Variants in RFTN2 observed in about 807,000 individuals in gnomAD.
RFTN2 encodes the protein raftlin family member 2.
In RFTN2, 34 loss-of-function variants were observed where a neutral mutation model predicts 52.7. That is an observed-to-expected ratio of 0.64 (90% CI 0.49 to 0.86). The LOEUF (loss-of-function observed/expected upper bound fraction) is 0.86, where lower values mean the gene tolerates loss of function less well. Ranked by LOEUF, RFTN2 falls within the 40% of genes least tolerant of loss-of-function variation. The probability of loss-of-function intolerance (pLI) is 0.00; values close to 1 mark genes in which losing one functional copy is unlikely to be tolerated. For synonymous variants in RFTN2, 203 were observed against 217.7 expected (o/e 0.93, Z 0.59); for missense variants, 536 against 600.1 (o/e 0.89, Z 1.12).
At chr2:197,641,956 C>G (rs1396031960) in intron 3 of RFTN2, among the ~76,000 whole-genome samples, 1 of 152,154 alleles carries the variant, frequency 6.6e-6, no homozygotes, top group African/African-American at 2.4e-5. Context: ...AAAACAAGGG[C>G]TCTGACGGTA....
At position 197,573,146 on chromosome 2, in the gene RFTN2, C is replaced by T. The variant is rs941846209; in HGVS notation, c.1234-866G>A. ...ATAAAAATACCCAAAAATGTAGAAG[C>T]GACTTTGGAACTGGGTAGCATGCAG... On this transcript the variant is annotated intron_variant, in intron 8 of 8. Transcript: ENST00000295049. Among the ~76,000 whole-genome samples, 5 of 151,898 alleles carry T rather than the reference C, an allele frequency of 3.3e-5. 1 individual carries two copies. Among genetic ancestry groups the T allele is most frequent in the African/African-American group, 9.7e-5 (4 of 41,378 alleles).
At chr2:197,653,784 G>A (rs967788193) in intron 1 of RFTN2, among the ~76,000 whole-genome samples, 4 of 152,122 alleles carry the variant, frequency 2.6e-5, no homozygotes, top group African/African-American at 7.2e-5. Context: ...CCATAAGAAA[G>A]GCATGGAGCC....
intron 5 of RFTN2, among the ~76,000 whole-genome samples, chr2:197,620,696 G>A (rs1288276533): frequency 6.6e-6 from 1 of 152,268 alleles, no homozygotes; most frequent in East Asian, 1.9e-4. Context: ...GCTGGGCGCA[G>A]TGGCTCACGC....
intron 5 of RFTN2, among the ~76,000 whole-genome samples, chr2:197,618,731 C>T (rs1171946731): frequency 6.6e-6 from 1 of 150,540 alleles, no homozygotes; most frequent in Non-Finnish European, 1.5e-5. Flanking sequence ...AGCACCTCTG[C>T]CCTGCCGCCC....
intron 8 of RFTN2, among the ~76,000 whole-genome samples, chr2:197,590,848 C>G (rs960593181): frequency 2.6e-5 from 4 of 152,152 alleles, no homozygotes; most frequent in Admixed American, 2.6e-4. Context: ...GCAGTAAGTG[C>G]TACAGCTCAT....
intron 8 of RFTN2, among the ~76,000 whole-genome samples, chr2:197,589,705 T>C (rs985509028): frequency 2.6e-5 from 4 of 152,210 alleles, no homozygotes; most frequent in African/African-American, 7.2e-5. Context: ...AACTGGGTTC[T>C]TTTCTTACTC....
At chr2:197,639,569 G>A (rs1475075620) in intron 3 of RFTN2, among the ~76,000 whole-genome samples, 5 of 130,010 alleles carry the variant, frequency 3.8e-5, no homozygotes, top group East Asian at 4.5e-4. Context: ...CGTAGTTCTC[G>A]AGCCTTGGTT....
At chr2:197,657,339 C>T (rs2088908354) in intron 1 of RFTN2, among the ~76,000 whole-genome samples, 1 of 152,178 alleles carries the variant, frequency 6.6e-6, no homozygotes, top group Admixed American at 6.5e-5. Flanking sequence ...CCTGGGTCAC[C>T]CCAGGGATTC....
intron 1 of RFTN2, among the ~76,000 whole-genome samples, chr2:197,670,652 G>A (rs2089132413): frequency 6.6e-6 from 1 of 152,112 alleles, no homozygotes; most frequent in Admixed American, 6.5e-5. Context: ...TTCAGCCTGG[G>A]TGACAGAGTG....
intron 2 of RFTN2, among the ~76,000 whole-genome samples, chr2:197,645,015 CT>C (rs906704445): frequency 2.6e-5 from 4 of 152,110 alleles, no homozygotes; most frequent in Non-Finnish European, 1.5e-5. Flanking sequence ...TTTTCCTTCT[CT>C]GCTTAGCCCT....
intron 8 of RFTN2, among the ~76,000 whole-genome samples, chr2:197,593,008 C>G (rs1287563927): frequency 6.6e-6 from 1 of 152,176 alleles, no homozygotes; most frequent in Admixed American, 6.5e-5. Flanking sequence ...GAAATAATCT[C>G]AAGATCCTGC....
intron 8 of RFTN2, among the ~76,000 whole-genome samples, chr2:197,574,225 A>T (rs894521062): frequency 2.0e-5 from 3 of 152,216 alleles, no homozygotes; most frequent in Non-Finnish European, 4.4e-5. Context: ...GAAAGCAGCC[A>T]GGAGGGGGGC....
chr2:197,590,888 G>A (rs1464094392), intron 8 of RFTN2, among the ~76,000 whole-genome samples: 1 of 152,186 alleles, frequency 6.6e-6, no homozygotes, highest in African/African-American at 2.4e-5. Context: ...AGAGGGAGCA[G>A]CAGCACAATT....
chr2:197,661,479 T>C (rs1315634440), intron 1 of RFTN2, among the ~76,000 whole-genome samples: 1 of 152,144 alleles, frequency 6.6e-6, no homozygotes, highest in African/African-American at 2.4e-5. Context: ...CATTCTTTTT[T>C]ATGGCTGAAT....
At position 197,571,812 on chromosome 2, in the gene RFTN2, A is replaced by T. The variant is rs1343956698; in HGVS notation, c.*196T>A. The T allele has an allele frequency of 5.1e-6, 3 of 593,042 alleles. No individual in the cohort carries two copies. Among genetic ancestry groups the T allele is most frequent in the Non-Finnish European group, 6.0e-6 (2 of 334,348 alleles). The allele number at this position is 593,042 out of a possible 1,614,324, so 36.7% of individuals were successfully genotyped here. On this transcript the variant is annotated 3_prime_UTR_variant, in exon 9 of 9. Transcript: ENST00000295049. ...TTTAGTTGAGAGAAGTGTAAACATGATTCTAAATGTATAAATATGTTGGTT... is the reference window on the plus strand; with the variant it reads ...TTTAGTTGAGAGAAGTGTAAACATGTTTCTAAATGTATAAATATGTTGGTT...
intron 5 of RFTN2, among the ~76,000 whole-genome samples, chr2:197,627,166 C>G (rs2088378467): frequency 6.6e-6 from 1 of 152,128 alleles, no homozygotes; most frequent in Non-Finnish European, 1.5e-5. Flanking sequence ...GCCCTAAGGT[C>G]TTTGTACATT....
At chr2:197,587,091 T>C (rs2087611715) in intron 8 of RFTN2, among the ~76,000 whole-genome samples, 1 of 152,132 alleles carries the variant, frequency 6.6e-6, no homozygotes, top group African/African-American at 2.4e-5. Context: ...GTTTCTCAAT[T>C]CATACAAAAC....
At position 197,591,328 on chromosome 2, in the gene RFTN2, C is replaced by A. The variant is rs571932864; in HGVS notation, c.1233+4663G>T. Among the ~76,000 whole-genome samples, 18 of 152,272 alleles carry A rather than the reference C, an allele frequency of 1.2e-4. 1 individual carries two copies. In the South Asian group the frequency reaches 3.7e-3, roughly 32 times the overall value. On this transcript the variant is annotated intron_variant, in intron 8 of 8. Transcript: ENST00000295049. The stretch of plus-strand genomic sequence containing the variant: ...CACCAGATTAGCTAGATACAGAGTG[C>A]CAATTGGTGTATCCACAAACCCTGA...
intron 8 of RFTN2, among the ~76,000 whole-genome samples, chr2:197,581,545 T>C (rs1220865742): frequency 6.6e-6 from 1 of 152,104 alleles, no homozygotes. Context: ...CCTCCACTTC[T>C]CACCTTATTC....
Sources: gnomAD v4.1 joint callset for allele counts (sites outside exome capture counted in the v4.1 genomes callset) on GRCh38, gnomAD v4.1.1 for gene constraint, MANE v1.5 for transcripts, NCBI Gene and HGNC (gene_info 2026-07-23, HGNC 2026-07-21) for gene names.